FAM193A: variants seen among roughly 807,000 people sequenced by gnomAD.
FAM193A encodes family with sequence similarity 193 member A, also known as protein FAM193A.
A neutral mutation model predicts 126.5 loss-of-function variants in FAM193A; 22 were observed. That is an observed-to-expected ratio of 0.17 (90% CI 0.12 to 0.25). FAM193A has a LOEUF of 0.25. Among genes scored for constraint, FAM193A ranks in the 10% least tolerant of loss-of-function variants. The probability of loss-of-function intolerance (pLI) is 1.00; values close to 1 mark genes in which losing one functional copy is unlikely to be tolerated. For missense variants in FAM193A, 1,675 were observed against 1,672.8 expected, an observed-to-expected ratio of 1.00 and a Z score of -0.02; for synonymous variants, 761 against 646.8, an observed-to-expected ratio of 1.18 and a Z score of -2.68.
rs1226205344 is a variant in FAM193A, at chr4:2,590,474, AAC to A, written c.256-5608_256-5607del. ...GCGAGACTCCATCTCAAAAAAAAAA[AAC>A]AAAAAAAAACAAAAAAAAACAAAAA... is the stretch of plus-strand genomic sequence containing the variant. On this transcript the variant is annotated intron_variant, in intron 1 of 20. Coordinates refer to ENST00000637812, the MANE Select transcript of FAM193A (RefSeq NM_001366318.2). Among the ~76,000 whole-genome samples, 676 of 78,126 alleles carry A rather than the reference AAC, an allele frequency of 8.7e-3. 81 individuals are homozygous for A. Among genetic ancestry groups the A allele is most frequent in the South Asian group, 0.012 (35 of 2,854 alleles). The allele number at this position is 78,126 out of a possible 152,430, so 51.3% of individuals were successfully genotyped here.
At chr4:2,606,192 A>G (rs1163951580) in intron 2 of FAM193A, among the ~76,000 whole-genome samples, 2 of 150,804 alleles carry the variant, frequency 1.3e-5, no homozygotes, top group Non-Finnish European at 2.9e-5. Context: ...CTGGGATTAC[A>G]GGCGTTTGCC....
At chr4:2,654,175 C>T (rs972720781) in intron 7 of FAM193A, among the ~76,000 whole-genome samples, 3 of 152,130 alleles carry the variant, frequency 2.0e-5, no homozygotes, top group Non-Finnish European at 4.4e-5. Flanking sequence ...ATAATTGAGT[C>T]TCTGTTCACA....
At chr4:2,701,899 C>G (rs951518792) in intron 19 of FAM193A, among the ~76,000 whole-genome samples, 1 of 151,924 alleles carries the variant, frequency 6.6e-6, no homozygotes, top group African/African-American at 2.4e-5. Context: ...GCCTCAGCCT[C>G]TCAAGTAGCT....
chr4:2,536,803 C>T lies in FAM193A; in HGVS notation c.-113C>T, dbSNP rs1736901570. 1 of 147,806 alleles carries T rather than the reference C, an allele frequency of 6.8e-6. No homozygotes were observed. Among genetic ancestry groups the T allele is most frequent in the Admixed American group, 6.8e-5 (1 of 14,780 alleles). 9.2% of individuals were successfully genotyped at this position (147,806 alleles called of 1,614,324 possible). On this transcript the variant is annotated 5_prime_UTR_variant, in exon 1 of 21. Transcript: ENST00000637812. ...CCGGACGCGACCCCGCGCAGCGCCC[C>T]CCGGCTGGCCGGAGCGCCCGCCGCC...
At chr4:2,713,751 C>G (rs1719252151) in intron 19 of FAM193A, among the ~76,000 whole-genome samples, 1 of 152,206 alleles carries the variant, frequency 6.6e-6, no homozygotes, top group South Asian at 2.1e-4. Context: ...TCCCAGGTGT[C>G]TTCAGGTTGG....
chr4:2,587,722 A>T (rs948172423), intron 1 of FAM193A, among the ~76,000 whole-genome samples: 2 of 152,108 alleles, frequency 1.3e-5, no homozygotes, highest in African/African-American at 2.4e-5. Flanking sequence ...AAAGAAAAAA[A>T]TTTTGAAAAG....
rs144336631 is a variant in FAM193A at position 2,544,937 on chromosome 4, G to A, written c.255+7767G>A. Among the ~76,000 whole-genome samples, 432 of 151,722 alleles carry A rather than the reference G, an allele frequency of 2.8e-3. 1 individual carries two copies. Among genetic ancestry groups the A allele is most frequent in the African/African-American group, 7.8e-3 (325 of 41,406 alleles). On this transcript the variant is annotated intron_variant, in intron 1 of 20. Coordinates refer to ENST00000637812, the MANE Select transcript of FAM193A (RefSeq NM_001366318.2). ...ATGTTCCCTCATCTCCTTCATGGTC[G>A]TTTCTACTACTGATCTCATCTGTAT...
rs372215369 is a variant in FAM193A, at chr4:2,683,333, C to T, written c.2332-6173C>T. Among the ~76,000 whole-genome samples the T allele has an allele frequency of 3.1e-4, 47 of 151,858 alleles. 1 individual carries two copies. The East Asian group carries it at 8.1e-3, about 26-fold the overall frequency. On this transcript the variant is annotated intron_variant, in intron 13 of 20. Transcript: ENST00000637812. ...TTTTTGAGACAGAGTCTTGCTCAGC[C>T]GCCCAGGCTGGAGTGCAGTGGCGCC... is the stretch of plus-strand genomic sequence containing the variant.
chr4:2,677,853 G>A (rs959914557), intron 13 of FAM193A, among the ~76,000 whole-genome samples: 2 of 152,132 alleles, frequency 1.3e-5, no homozygotes, highest in African/African-American at 2.4e-5. Context: ...ATTTTGATGG[G>A]GACTGCATAA....
chr4:2,729,928 C>A (rs775312296), intron 20 of FAM193A, among the ~76,000 whole-genome samples: 2 of 151,606 alleles, frequency 1.3e-5, no homozygotes, highest in Non-Finnish European at 2.9e-5. Context: ...ATTTTTGAGA[C>A]GGGTCTCACC....
chr4:2,719,614 G>A (rs908651654), intron 20 of FAM193A, among the ~76,000 whole-genome samples: 11 of 151,714 alleles, frequency 7.3e-5, no homozygotes, highest in African/African-American at 2.7e-4. Flanking sequence ...GCATCGTAGC[G>A]CATGCCTGTA....
At chr4:2,602,353 CTTT>C (rs35168097) in intron 2 of FAM193A, among the ~76,000 whole-genome samples, 3 of 128,528 alleles carry the variant, frequency 2.3e-5, no homozygotes, top group Admixed American at 8.0e-5. Flanking sequence ...ATGTTCTGTT[CTTT>C]TTTTTTTTTT....
At chr4:2,543,880 A>AAC (rs1737387208) in intron 1 of FAM193A, among the ~76,000 whole-genome samples, 1 of 150,982 alleles carries the variant, frequency 6.6e-6, no homozygotes, top group Non-Finnish European at 1.5e-5. Flanking sequence ...AAAAAAAAAA[A>AAC]AAAAAAAAAA....
At chr4:2,651,343 A>G (rs1745644424) in intron 7 of FAM193A, among the ~76,000 whole-genome samples, 1 of 152,176 alleles carries the variant, frequency 6.6e-6, no homozygotes, top group Non-Finnish European at 1.5e-5. Flanking sequence ...AAAAAAACCA[A>G]TAAAACAAAA....
intron 12 of FAM193A, among the ~76,000 whole-genome samples, chr4:2,667,913 T>C (rs1713308836): frequency 6.6e-6 from 1 of 152,216 alleles, no homozygotes; most frequent in African/African-American, 2.4e-5. Context: ...TGTATCTCTT[T>C]TTTTCTTAGA....
At chr4:2,597,771 A>T (rs983072260) in intron 2 of FAM193A, among the ~76,000 whole-genome samples, 6 of 152,064 alleles carry the variant, frequency 3.9e-5, no homozygotes, top group African/African-American at 1.2e-4. Context: ...TTCCATTAAG[A>T]TTCACTCTTT....
At chr4:2,615,578 G>A (rs1742130664) in intron 2 of FAM193A, among the ~76,000 whole-genome samples, 1 of 152,130 alleles carries the variant, frequency 6.6e-6, no homozygotes, top group Non-Finnish European at 1.5e-5. Context: ...GAGTGCAGTG[G>A]TGCGATCTCG....
intron 1 of FAM193A, among the ~76,000 whole-genome samples, chr4:2,555,827 C>T (rs868813240): frequency 3.9e-5 from 6 of 152,042 alleles, no homozygotes; most frequent in South Asian, 2.1e-4. Flanking sequence ...CCGTGTTAGC[C>T]GGGTGGTCTC....
chr4:2,703,512 G>C (rs1282707557), intron 19 of FAM193A, among the ~76,000 whole-genome samples: 4 of 152,192 alleles, frequency 2.6e-5, no homozygotes, highest in Admixed American at 1.3e-4. Flanking sequence ...CTCCCAAAGT[G>C]CTGGGATTAC....
Sources: gnomAD v4.1 joint callset for allele counts (sites outside exome capture counted in the v4.1 genomes callset) on GRCh38, gnomAD v4.1.1 for gene constraint, MANE v1.5 for transcripts, NCBI Gene and HGNC (gene_info 2026-07-23, HGNC 2026-07-21) for gene names.